The following CACNA1B variants were observed in gnomAD, a reference collection of about 807,000 sequenced individuals.
CACNA1B encodes the protein calcium voltage-gated channel subunit alpha1 B, also known as voltage-dependent N-type calcium channel subunit alpha-1B.
A neutral mutation model predicts 247.2 loss-of-function variants in CACNA1B; 70 were observed. That is an observed-to-expected ratio of 0.28 (90% CI 0.23 to 0.35). The LOEUF (loss-of-function observed/expected upper bound fraction) is 0.35, where lower values mean the gene tolerates loss of function less well. Ranked by LOEUF, CACNA1B falls within the 10% of genes least tolerant of loss-of-function variation. CACNA1B has a pLI of 1.00. For synonymous variants in CACNA1B, 1,231 were observed against 1,294.4 expected (o/e 0.95, Z 1.05); for missense variants, 2,367 against 3,197.4 (o/e 0.74, Z 6.26).
At chr9:137,978,013 G>GC (rs1172025864) in intron 12 of CACNA1B, among the ~76,000 whole-genome samples, 5 of 135,240 alleles carry the variant, frequency 3.7e-5, no homozygotes, top group Non-Finnish European at 6.4e-5. Context: ...TGGGAGCACT[G>GC]CCCCCCCAGG....
At chr9:137,937,943 G>T (rs1957687831) in intron 6 of CACNA1B, among the ~76,000 whole-genome samples, 1 of 52,206 alleles carries the variant, frequency 1.9e-5, no homozygotes, top group African/African-American at 9.1e-5. Flanking sequence ...ATGAAACTCT[G>T]TCTCAAAAAA....
intron 18 of CACNA1B, among the ~76,000 whole-genome samples, chr9:138,016,194 TCACA>T (rs1460406320): frequency 2.6e-5 from 4 of 152,062 alleles, no homozygotes; most frequent in African/African-American, 9.7e-5. Flanking sequence ...AGTGTCACAC[TCACA>T]CACCCTCTCA....
At chr9:138,001,506 A>T (rs1009885728) in intron 15 of CACNA1B, among the ~76,000 whole-genome samples, 3 of 152,172 alleles carry the variant, frequency 2.0e-5, no homozygotes, top group African/African-American at 7.2e-5. Flanking sequence ...GATCATAGAT[A>T]ATAGTAAAAG....
intron 15 of CACNA1B, among the ~76,000 whole-genome samples, chr9:137,989,989 T>C (rs748614572): frequency 6.6e-6 from 1 of 152,116 alleles, no homozygotes; most frequent in Admixed American, 6.5e-5. Flanking sequence ...CAGAACAGCG[T>C]CTGGAGACTC....
rs924220947 is a variant in CACNA1B, at chr9:138,012,960, CGTGGGGGGCCACAT to C, written c.2161-168_2161-155del. ...CAGAGACAGCTCCTGTGGAACAGGTCGTGGGGGGCCACATTCACTCAGGGGTTGGCTGCCTGTCT... is the reference window on the plus strand; with the variant it reads ...CAGAGACAGCTCCTGTGGAACAGGTCTCACTCAGGGGTTGGCTGCCTGTCT... On this transcript the variant is annotated intron_variant, in intron 17 of 46. Coordinates refer to ENST00000371372, the MANE Select transcript of CACNA1B (RefSeq NM_000718.4). The surrounding 1 kb of genome is among the most constrained non-coding windows in gnomAD (Gnocchi z 4.2). Among the ~76,000 whole-genome samples the C allele has an allele frequency of 1.3e-5, 2 of 152,018 alleles. No homozygotes were observed. Among genetic ancestry groups the C allele is most frequent in the Non-Finnish European group, 2.9e-5 (2 of 68,026 alleles).
intron 37 of CACNA1B, among the ~76,000 whole-genome samples, chr9:138,097,653 G>A (rs570270785): frequency 5.3e-5 from 8 of 152,238 alleles, no homozygotes; most frequent in Admixed American, 2.6e-4. Flanking sequence ...TGAGGGAACC[G>A]TGGGTGCCAC....
chr9:137,895,114 C>A (rs575543619), intron 3 of CACNA1B, among the ~76,000 whole-genome samples: 3 of 152,314 alleles, frequency 2.0e-5, no homozygotes, highest in Admixed American at 6.5e-5. Context: ...TGCATTTCTT[C>A]CATTGAATTG....
At position 137,891,323 on chromosome 9, in the gene CACNA1B, G is replaced by C. The variant is rs1957095904; in HGVS notation, c.530+8440G>C. On this transcript the variant is annotated intron_variant, in intron 3 of 46. Coordinates refer to ENST00000371372, the MANE Select transcript of CACNA1B (RefSeq NM_000718.4). This position sits in a 1 kb window ranked among gnomAD's most constrained non-coding sequence, Gnocchi z 4.3. ...TGGGAGGCTGGGCGGGCAGTGCCGGGCTGGCTGTAGAAGAGCCGCCCCTCC... is the reference window on the plus strand; with the variant it reads ...TGGGAGGCTGGGCGGGCAGTGCCGGCCTGGCTGTAGAAGAGCCGCCCCTCC... The C allele has an allele frequency of 6.6e-6, 1 of 152,476 alleles. No homozygotes were observed. Among genetic ancestry groups the C allele is most frequent in the Admixed American group, 6.5e-5 (1 of 15,292 alleles). 9.4% of individuals were successfully genotyped at this position (152,476 alleles called of 1,614,324 possible).
rs1958663846 is a variant in CACNA1B at position 138,007,214 on chromosome 9, A to G, written c.2092+330A>G. Reference sequence around the variant, plus strand: ...CAGGTGGGTTTTTGTTTTCACTTTGATTTAATTGTGTACTTAGGTTTTGGC... The same window carrying G: ...CAGGTGGGTTTTTGTTTTCACTTTGGTTTAATTGTGTACTTAGGTTTTGGC... On this transcript the variant is annotated intron_variant, in intron 16 of 46. Coordinates refer to ENST00000371372, the MANE Select transcript of CACNA1B (RefSeq NM_000718.4). This position sits in a 1 kb window ranked among gnomAD's most constrained non-coding sequence, Gnocchi z 4.1. 6.6e-6 allele frequency among the ~76,000 whole-genome samples: 1 copy of G among 152,238 alleles called. No homozygotes were observed. Among genetic ancestry groups the G allele is most frequent in the Non-Finnish European group, 1.5e-5 (1 of 68,014 alleles).
In CACNA1B at chr9:137,894,256, A is replaced by T. The variant is rs376013045; in HGVS notation, c.530+11373A>T. 6.1e-5 allele frequency among the ~76,000 whole-genome samples: 9 copies of T among 148,590 alleles called. No homozygotes were observed. In the East Asian group the frequency reaches 1.4e-3, roughly 23 times the overall value. ...CGTTTCACATTTCCAGCAGCACAGGAGCCGTCCCTTCTCCACAGCCTCGCC... is the reference window on the plus strand; with the variant it reads ...CGTTTCACATTTCCAGCAGCACAGGTGCCGTCCCTTCTCCACAGCCTCGCC... On this transcript the variant is annotated intron_variant, in intron 3 of 46. Transcript: ENST00000371372.
chr9:138,020,475 G>A lies in CACNA1B; in HGVS notation c.2268-2536G>A, dbSNP rs918854285. On this transcript the variant is annotated intron_variant, in intron 18 of 46. Transcript: ENST00000371372. The surrounding 1 kb of genome is among the most constrained non-coding windows in gnomAD (Gnocchi z 4.1). ...AAGGACAGAGACAGGGGCCAGGGGAGGTGCAGGCTGACTTAAGACACCATG... is the reference window on the plus strand; with the variant it reads ...AAGGACAGAGACAGGGGCCAGGGGAAGTGCAGGCTGACTTAAGACACCATG... Among the ~76,000 whole-genome samples, 2 of 152,242 alleles carry A rather than the reference G, an allele frequency of 1.3e-5. No individual in the cohort carries two copies. The highest frequency in any genetic ancestry group is 4.8e-5 in the African/African-American group (2 of 41,460).
At chr9:138,047,544 A>G in intron 23 of CACNA1B, 86 bp downstream of exon 23, 1 of 908,962 alleles carries the variant, frequency 1.1e-6, no homozygotes, top group Admixed American at 1.9e-5. Flanking sequence ...TGGTTGAACC[A>G]CAATTTCTAT....
intron 42 of CACNA1B, among the ~76,000 whole-genome samples, chr9:138,116,808 C>T (rs531076678): frequency 6.6e-6 from 1 of 152,184 alleles, no homozygotes; most frequent in Admixed American, 6.5e-5. Context: ...CTAACCACCC[C>T]TCCTCTCAGC....
intron 12 of CACNA1B, among the ~76,000 whole-genome samples, chr9:137,979,109 A>G (rs1958263753): frequency 6.6e-6 from 1 of 152,194 alleles, no homozygotes; most frequent in Admixed American, 6.5e-5. Context: ...GGACATGGGG[A>G]TAATTTGCAC....
chr9:138,086,024 A>G (rs938476364), intron 36 of CACNA1B, among the ~76,000 whole-genome samples: 1 of 151,324 alleles, frequency 6.6e-6, no homozygotes, highest in Admixed American at 6.6e-5. Context: ...TTACTATTAC[A>G]GAAAACCACT....
intron 31 of CACNA1B, 39 bp from the exon 32 acceptor site, chr9:138,069,719 T>A (rs200859431): frequency 1.9e-6 from 3 of 1,566,576 alleles, no homozygotes; most frequent in Non-Finnish European, 2.6e-6. Flanking sequence ...AATTTGTAAA[T>A]AATATGCAAA....
chr9:138,107,218 T>C (rs1564289445), intron 39 of CACNA1B, among the ~76,000 whole-genome samples: 1 of 135,742 alleles, frequency 7.4e-6, no homozygotes, highest in Non-Finnish European at 1.6e-5. Context: ...AATCATCTTA[T>C]TTTATTTATT....
chr9:138,017,292 G>T (rs1018657650), intron 18 of CACNA1B: 3 of 478,584 alleles, frequency 6.3e-6, no homozygotes, highest in South Asian at 4.4e-5. Flanking sequence ...CTATCTCACC[G>T]CAAGTCATTT....
rs1486078865 is a variant in CACNA1B, at chr9:137,952,002, G to GT, written c.967-270dup. Among the ~76,000 whole-genome samples the GT allele has an allele frequency of 5.3e-5, 8 of 152,258 alleles. No homozygotes were observed. Among genetic ancestry groups the GT allele is most frequent in the Admixed American group, 1.3e-4 (2 of 15,300 alleles). ...TGGGCCTACTGCTTGGCTTTTGAGT[G>GT]TTGCCAGGCAGTGGCTGGCAGCACT... On this transcript the variant is annotated intron_variant, in intron 6 of 46. Coordinates refer to ENST00000371372, the MANE Select transcript of CACNA1B (RefSeq NM_000718.4). The surrounding 1 kb of genome is among the most constrained non-coding windows in gnomAD (Gnocchi z 4.8).
Sources: allele counts gnomAD v4.1 joint callset (sites outside exome capture counted in the v4.1 genomes callset), GRCh38; gene constraint gnomAD v4.1.1; non-coding constraint Gnocchi (gnomAD v3.1); transcripts MANE v1.5; gene names NCBI Gene and HGNC (gene_info 2026-07-23, HGNC 2026-07-21).